YWHAG: variants seen among roughly 807,000 people sequenced by gnomAD.
YWHAG encodes tyrosine 3-monooxygenase/tryptophan 5-monooxygenase activation protein gamma.
A neutral mutation model predicts 23.3 loss-of-function variants in YWHAG; 1 was observed. That is an observed-to-expected ratio of 0.04 (90% confidence interval 0.02 to 0.20). The LOEUF is 0.20. Among genes scored for constraint, YWHAG ranks in the 10% least tolerant of loss-of-function variants. The pLI, the probability that YWHAG is intolerant of heterozygous loss-of-function variation, is 1.00. For missense variants in YWHAG, 151 were observed against 338.6 expected, an observed-to-expected ratio of 0.45 and a Z score of 4.35; for synonymous variants, 160 against 144.0, an observed-to-expected ratio of 1.11 and a Z score of -0.80.
intron 1 of YWHAG, among the ~76,000 whole-genome samples, chr7:76,334,411 A>G (rs1196223848): frequency 2.6e-5 from 4 of 152,152 alleles, no homozygotes; most frequent in African/African-American, 7.2e-5. Flanking sequence ...ACATTTTTCA[A>G]AACAGTCATT....
At position 76,327,423 on chromosome 7, in the gene YWHAG, A is replaced by C. The variant is rs1323024833; in HGVS notation, c.*2154T>G. On this transcript the variant is annotated 3_prime_UTR_variant, in exon 2 of 2. Transcript: ENST00000307630. The stretch of plus-strand genomic sequence containing the variant: ...GTATCATAGGCAAGTGCATTTCTTT[A>C]AAAATAAAGAAAAGAAAAACCATTC... 6.6e-6 allele frequency: 1 copy of C among 152,502 alleles called. No homozygotes were observed. Among genetic ancestry groups the C allele is most frequent in the Non-Finnish European group, 1.5e-5 (1 of 68,026 alleles). The allele number at this position is 152,502 out of a possible 1,614,324, so 9.4% of individuals were successfully genotyped here.
intron 1 of YWHAG, among the ~76,000 whole-genome samples, chr7:76,349,442 C>G (rs199573181): frequency 3.1e-4 from 24 of 78,264 alleles, no homozygotes; most frequent in African/African-American, 1.2e-3. Flanking sequence ...CACACACACA[C>G]AGACACACAC....
In YWHAG at chr7:76,330,101, C is replaced by G; in HGVS notation, c.220G>C (p.Gly74Arg). The change falls in exon 2 of 2, where the codon GGC becomes CGC. Residue 74 changes from glycine (G) to arginine (R), a missense_variant. Coordinates refer to ENST00000307630, the MANE Select transcript of YWHAG (RefSeq NM_012479.4). ...ACCATCTCAATCTTCTTCTCATTGC[C>G]GTCTGCAGATGTCTTCTGCTCAATG... ...SSIEQKTSAD[G>R]NEKKIEMVRA... The G allele has an allele frequency of 6.2e-7, 1 of 1,614,134 alleles. No homozygotes were observed.
At chr7:76,350,908 C>T (rs939122282) in intron 1 of YWHAG, among the ~76,000 whole-genome samples, 11 of 151,926 alleles carry the variant, frequency 7.2e-5, no homozygotes, top group Non-Finnish European at 1.6e-4. Flanking sequence ...CCATCTATAC[C>T]CACACATCAA....
At chr7:76,334,520 A>C (rs1487096980) in intron 1 of YWHAG, among the ~76,000 whole-genome samples, 1 of 147,848 alleles carries the variant, frequency 6.8e-6, no homozygotes, top group Non-Finnish European at 1.5e-5. Context: ...CACGCCACAA[A>C]CTCCTCTGCC....
chr7:76,339,749 C>T (rs1210010702), intron 1 of YWHAG, among the ~76,000 whole-genome samples: 1 of 152,146 alleles, frequency 6.6e-6, no homozygotes, highest in Non-Finnish European at 1.5e-5. Context: ...CAATGACCCA[C>T]TTCCACTTAA....
intron 1 of YWHAG, among the ~76,000 whole-genome samples, chr7:76,357,955 A>C (rs984519876): frequency 6.6e-6 from 1 of 152,214 alleles, no homozygotes; most frequent in Non-Finnish European, 1.5e-5. Context: ...TTAATTTTAC[A>C]GGCAATACCT....
chr7:76,358,936 C>A lies in YWHAG; in HGVS notation c.-128G>T, dbSNP rs1027404851. The A allele has an allele frequency of 2.3e-6, 2 of 870,954 alleles. No homozygotes were observed. The highest frequency in any genetic ancestry group is 3.2e-6 in the Non-Finnish European group (2 of 627,106). The allele number at this position is 870,954 out of a possible 1,614,324, so 54.0% of individuals were successfully genotyped here. A position where few individuals can be genotyped will look rare whatever the true frequency, so the allele number is the denominator to read the frequency against. On this transcript the variant is annotated 5_prime_UTR_variant, in exon 1 of 2. Coordinates refer to ENST00000307630, the MANE Select transcript of YWHAG (RefSeq NM_012479.4). ...ACAGAGCGAGCAGCTGAGGCGGCGG[C>A]TGCGCGGAGGAGGCGGCTGGAGCTG...
chr7:76,343,161 T>A (rs1033146713), intron 1 of YWHAG, among the ~76,000 whole-genome samples: 1 of 151,954 alleles, frequency 6.6e-6, no homozygotes, highest in Admixed American at 6.6e-5. Flanking sequence ...GGTTGTTATG[T>A]GTAAAAGCTG....
chr7:76,335,105 T>C (rs754763463), intron 1 of YWHAG, among the ~76,000 whole-genome samples: 41 of 152,220 alleles, frequency 2.7e-4, no homozygotes, highest in Non-Finnish European at 4.7e-4. Context: ...GTCACCAGGC[T>C]GGAGTGCAGT....
intron 1 of YWHAG, among the ~76,000 whole-genome samples, chr7:76,349,446 C>CAG (rs869126346): frequency 0.055 from 5,348 of 97,754 alleles, 111 homozygotes; most frequent in Non-Finnish European, 0.062. Context: ...CACACACAGA[C>CAG]ACACACACAC....
At chr7:76,348,722 T>C (rs1020537362) in intron 1 of YWHAG, among the ~76,000 whole-genome samples, 1 of 151,540 alleles carries the variant, frequency 6.6e-6, no homozygotes, top group Non-Finnish European at 1.5e-5. Context: ...GTATTTTCTG[T>C]AGAGACAGGG....
chr7:76,354,951 CT>C (rs1803930122), intron 1 of YWHAG, among the ~76,000 whole-genome samples: 2 of 152,124 alleles, frequency 1.3e-5, no homozygotes, highest in South Asian at 4.1e-4. Flanking sequence ...AGCTAATTCC[CT>C]TTTTTCAGTT....
At chr7:76,352,531 A>G (rs1803890628) in intron 1 of YWHAG, among the ~76,000 whole-genome samples, 1 of 152,218 alleles carries the variant, frequency 6.6e-6, no homozygotes, top group African/African-American at 2.4e-5. Context: ...CTCTCCAAAG[A>G]CAGGTACCCT....
chr7:76,344,784 C>T (rs1479854532), intron 1 of YWHAG, among the ~76,000 whole-genome samples: 1 of 152,198 alleles, frequency 6.6e-6, no homozygotes, highest in Non-Finnish European at 1.5e-5. Context: ...CACTCTTGAC[C>T]TTATGCAGAA....
chr7:76,336,768 T>C (rs1190696791), intron 1 of YWHAG, among the ~76,000 whole-genome samples: 1 of 151,642 alleles, frequency 6.6e-6, no homozygotes, highest in African/African-American at 2.4e-5. Context: ...TTTTTTTTTT[T>C]TTTTTCAACC....
chr7:76,345,778 T>C (rs1389356625), intron 1 of YWHAG, among the ~76,000 whole-genome samples: 1 of 151,660 alleles, frequency 6.6e-6, no homozygotes, highest in Non-Finnish European at 1.5e-5. Context: ...CTACTAAAAA[T>C]ACAAAAATTA....
chr7:76,356,664 T>C (rs1005434296), intron 1 of YWHAG, among the ~76,000 whole-genome samples: 8 of 152,236 alleles, frequency 5.3e-5, no homozygotes, highest in Non-Finnish European at 8.8e-5. Context: ...GTTTAAAATT[T>C]CTACTTTTAT....
intron 1 of YWHAG, among the ~76,000 whole-genome samples, chr7:76,344,901 CT>C (rs902594944): frequency 7.7e-4 from 118 of 152,314 alleles, no homozygotes; most frequent in African/African-American, 2.8e-3. Flanking sequence ...TCCCTTCAGG[CT>C]TTAGTCCTTC....
Sources: gnomAD v4.1 joint callset for allele counts (sites outside exome capture counted in the v4.1 genomes callset) on GRCh38, gnomAD v4.1.1 for gene constraint, MANE v1.5 for transcripts, NCBI Gene and HGNC (gene_info 2026-07-23, HGNC 2026-07-21) for gene names.